The following AFF2 variants were observed in gnomAD, a reference collection of about 807,000 sequenced individuals.
AFF2 encodes the protein ALF transcription elongation factor 2.
A neutral mutation model predicts 76.9 loss-of-function variants in AFF2; 14 were observed. The observed-to-expected ratio is 0.18, with a 90% CI of 0.12 to 0.28. AFF2 has a LOEUF of 0.28. Among genes scored for constraint, AFF2 ranks in the 10% least tolerant of loss-of-function variants. The pLI is 1.00. For missense variants in AFF2, 868 were observed against 1,001.1 expected (o/e 0.87, Z 1.79); for synonymous variants, 398 against 366.7 (o/e 1.09, Z -0.98).
In AFF2 at chrX:148,913,884, A is replaced by C. The variant is rs781905796; in HGVS notation, c.1397+9626A>C. On this transcript the variant is annotated intron_variant, in intron 9 of 20. Coordinates refer to ENST00000370460, the MANE Select transcript of AFF2 (RefSeq NM_002025.4). ...GTGATCTTTCAGTAAACTGTCAAAA[A>C]TGTAGAGTCACATAGCTAACCTGCT... 1.6e-4 allele frequency among the ~76,000 whole-genome samples: 18 copies of C among 112,291 alleles called. No homozygotes were observed. In the South Asian group the frequency reaches 6.7e-3, roughly 42 times the overall value.
At chrX:148,539,631 C>T (rs782428397) in intron 1 of AFF2, among the ~76,000 whole-genome samples, 10 of 111,053 alleles carry the variant, frequency 9.0e-5, no homozygotes, top group Non-Finnish European at 1.9e-4. Flanking sequence ...TCTTCCCTTT[C>T]CCCACCCAAC....
chrX:148,937,213 G>A (rs782772121), intron 9 of AFF2, among the ~76,000 whole-genome samples: 236 of 111,922 alleles, frequency 2.1e-3, no homozygotes, highest in African/African-American at 7.2e-3. Flanking sequence ...TGAGGACCCA[G>A]AAGAAAGAAG....
intron 1 of AFF2, among the ~76,000 whole-genome samples, chrX:148,571,201 G>A (rs2053225479): frequency 8.9e-6 from 1 of 111,748 alleles, no homozygotes; most frequent in Non-Finnish European, 1.9e-5. Flanking sequence ...GCTTTTCTGG[G>A]CAAGCCTGTG....
At chrX:148,984,028 A>G (rs1400593854) in intron 19 of AFF2, among the ~76,000 whole-genome samples, 7 of 108,258 alleles carry the variant, frequency 6.5e-5, no homozygotes, top group African/African-American at 2.4e-4. Flanking sequence ...CATGTGGCAT[A>G]CTAGGTTGTG....
At chrX:148,748,280 A>G (rs1427537850) in intron 3 of AFF2, among the ~76,000 whole-genome samples, 2 of 112,004 alleles carry the variant, frequency 1.8e-5, no homozygotes, top group African/African-American at 6.5e-5. Context: ...AAGTATGTAA[A>G]TTAATGCTTA....
chrX:148,953,806 C>G (rs2072000506), intron 10 of AFF2, 67 bp downstream of exon 10: 1 of 723,200 alleles, frequency 1.4e-6, no homozygotes, highest in Admixed American at 2.7e-5. Flanking sequence ...TCAACACACA[C>G]ACACACAGAC....
At chrX:148,597,564 A>C (rs989703585) in intron 1 of AFF2, among the ~76,000 whole-genome samples, 2 of 112,555 alleles carry the variant, frequency 1.8e-5, no homozygotes, top group Non-Finnish European at 3.8e-5. Context: ...GATTAATCAA[A>C]CAAAATATAT....
At chrX:148,563,968 A>G (rs1194484719) in intron 1 of AFF2, among the ~76,000 whole-genome samples, 1 of 112,141 alleles carries the variant, frequency 8.9e-6, no homozygotes, top group Non-Finnish European at 1.9e-5. Context: ...GAACTTGACT[A>G]TCTTTTGTTT....
chrX:148,672,117 G>A lies in AFF2; in HGVS notation c.1041+9349G>A, dbSNP rs138668443. Among the ~76,000 whole-genome samples the A allele has an allele frequency of 4.6e-3, 511 of 112,167 alleles. 4 individuals carry two copies. The highest frequency in any genetic ancestry group is 0.015 in the African/African-American group (474 of 30,895). ...TAACCATATTGATTCAACCCAAATA[G>A]TAAATGCAAGGGGCTTTAGACATAA... On this transcript the variant is annotated intron_variant, in intron 3 of 20. Coordinates refer to ENST00000370460, the MANE Select transcript of AFF2 (RefSeq NM_002025.4).
At chrX:148,964,163 G>C (rs1404247959) in intron 13 of AFF2, among the ~76,000 whole-genome samples, 1 of 112,303 alleles carries the variant, frequency 8.9e-6, no homozygotes, top group Non-Finnish European at 1.9e-5. Flanking sequence ...CTGTGGGGTG[G>C]AGGGACAGTA....
chrX:148,738,855 C>T (rs2055316719), intron 3 of AFF2, among the ~76,000 whole-genome samples: 1 of 111,529 alleles, frequency 9.0e-6, no homozygotes, highest in Non-Finnish European at 1.9e-5. Flanking sequence ...TGTTAATTTC[C>T]ATCTTGATTT....
intron 4 of AFF2, among the ~76,000 whole-genome samples, chrX:148,822,748 C>T (rs782264571): frequency 1.0e-4 from 11 of 105,333 alleles, no homozygotes; most frequent in African/African-American, 3.5e-4. Flanking sequence ...TGGCTGATAG[C>T]CTGTAAGTTG....
chrX:148,672,479 C>T (rs782463806), intron 3 of AFF2, among the ~76,000 whole-genome samples: 6 of 112,017 alleles, frequency 5.4e-5, no homozygotes, highest in East Asian at 5.6e-4. Context: ...TTTAGTGATA[C>T]TTCCACGTGG....
chrX:148,892,510 T>A (rs1557279867), intron 8 of AFF2, among the ~76,000 whole-genome samples: 1 of 111,330 alleles, frequency 9.0e-6, no homozygotes. Context: ...TGGTTGCTAT[T>A]TGAGAATTTC....
chrX:148,951,950 C>T lies in AFF2; in HGVS notation c.1398-1630C>T, dbSNP rs144740736. Among the ~76,000 whole-genome samples the T allele has an allele frequency of 9.4e-3, 1,051 of 111,876 alleles. 15 individuals carry two copies. The highest frequency in any genetic ancestry group is 0.033 in the African/African-American group (1,012 of 30,770). The stretch of plus-strand genomic sequence containing the variant: ...TAGTTCGCATTTACTAAGCAGATAG[C>T]AGTTTAAAATGAGCTTTCACTATGT... On this transcript the variant is annotated intron_variant, in intron 9 of 20. Coordinates refer to ENST00000370460, the MANE Select transcript of AFF2 (RefSeq NM_002025.4).
chrX:148,581,463 TAC>T lies in AFF2; in HGVS notation c.48-70530_48-70529del, dbSNP rs1371423055. On this transcript the variant is annotated intron_variant, in intron 1 of 20. Coordinates refer to ENST00000370460, the MANE Select transcript of AFF2 (RefSeq NM_002025.4). ...ACATATATACGTATACGTCTACGTG[TAC>T]ACACATATATACGTATACGTCTACG... Among the ~76,000 whole-genome samples, 2 of 92,737 alleles carry T rather than the reference TAC, an allele frequency of 2.2e-5. 1 individual carries two copies. The highest frequency in any genetic ancestry group is 4.3e-5 in the Non-Finnish European group (2 of 46,151). 80.5% of individuals were successfully genotyped at this position (92,737 alleles called of 115,157 possible). A position where few individuals can be genotyped will look rare whatever the true frequency, so the allele number is the denominator to read the frequency against.
intron 3 of AFF2, among the ~76,000 whole-genome samples, chrX:148,732,939 G>A (rs2055244652): frequency 9.0e-6 from 1 of 111,435 alleles, no homozygotes; most frequent in South Asian, 3.7e-4. Flanking sequence ...TGACATGTTT[G>A]TGGCTTCCTT....
At chrX:148,893,825 G>A (rs1557280040) in intron 8 of AFF2, among the ~76,000 whole-genome samples, 1 of 111,694 alleles carries the variant, frequency 9.0e-6, no homozygotes, top group Non-Finnish European at 1.9e-5. Context: ...GGAAAGCTGG[G>A]GACCACTAAG....
chrX:148,880,240 G>A, intron 7 of AFF2, among the ~76,000 whole-genome samples: 1 of 111,688 alleles, frequency 9.0e-6, no homozygotes, highest in African/African-American at 3.3e-5. Context: ...CTCCTAAGGG[G>A]AAAAAACAGC....
Sources: gnomAD v4.1 joint callset for allele counts (sites outside exome capture counted in the v4.1 genomes callset) on GRCh38, gnomAD v4.1.1 for gene constraint, MANE v1.5 for transcripts, NCBI Gene and HGNC (gene_info 2026-07-23, HGNC 2026-07-21) for gene names.